Variants in PIK3R5 observed in about 807,000 individuals in gnomAD.
PIK3R5 encodes phosphoinositide-3-kinase regulatory subunit 5.
PIK3R5 carries 32 observed loss-of-function variants against 94.9 expected under a neutral mutation model. The ratio of observed to expected loss-of-function variants is 0.34; its 90% CI spans 0.25 to 0.45. PIK3R5 has a LOEUF of 0.45. Ranked by LOEUF, PIK3R5 falls within the 20% of genes least tolerant of loss-of-function variation. The pLI is 1.00. For missense variants in PIK3R5, 853 were observed against 1,144.6 expected, an observed-to-expected ratio of 0.75 and a Z score of 3.68; for synonymous variants, 443 against 479.4, an observed-to-expected ratio of 0.92 and a Z score of 0.99.
rs145335266 is a variant in PIK3R5, at chr17:8,912,929, G to GGCAC, written c.-13-1426_-13-1423dup. Among the ~76,000 whole-genome samples the GGCAC allele has an allele frequency of 9.6e-3, 1,460 of 152,294 alleles. 22 individuals carry two copies. Among genetic ancestry groups the GGCAC allele is most frequent in the African/African-American group, 0.033 (1,363 of 41,530 alleles). The stretch of plus-strand genomic sequence containing the variant: ...TCCAAAGCCGGACAGTGCAGCAGTG[G>GGCAC]GCACGCAGGAAGCGGCACACGCACC... On this transcript the variant is annotated intron_variant, in intron 1 of 18. Transcript: ENST00000447110.
chr17:8,923,822 G>T (rs998009038), intron 1 of PIK3R5, among the ~76,000 whole-genome samples: 2 of 151,572 alleles, frequency 1.3e-5, no homozygotes, highest in Non-Finnish European at 2.9e-5. Flanking sequence ...CAGCTTTCTG[G>T]TTTTTCTGGA....
intron 3 of PIK3R5, 51 bp from the exon 4 acceptor site, chr17:8,905,788 T>TC: frequency 7.8e-7 from 1 of 1,274,654 alleles, no homozygotes; most frequent in Non-Finnish European, 1.1e-6. Context: ...GGTCCAGGGC[T>TC]CCCTGAGGCA....
At chr17:8,948,759 T>C (rs1420554656) in intron 1 of PIK3R5, among the ~76,000 whole-genome samples, 4 of 152,170 alleles carry the variant, frequency 2.6e-5, no homozygotes, top group Non-Finnish European at 5.9e-5. Flanking sequence ...AGATGCTCTA[T>C]CAGACCCTAA....
intron 14 of PIK3R5, among the ~76,000 whole-genome samples, chr17:8,885,501 C>T (rs1158566110): frequency 2.2e-5 from 3 of 134,366 alleles, no homozygotes; most frequent in African/African-American, 5.8e-5. Flanking sequence ...CCCAGGGCCC[C>T]GCCTCCTGGG....
Position 8,886,523 on chromosome 17 carries a change from C to T in PIK3R5, c.1988G>A (p.Cys663Tyr). 6.2e-7 allele frequency: 1 copy of T among 1,612,150 alleles called. No individual in the cohort carries two copies. The highest frequency in any genetic ancestry group is 8.5e-7 in the Non-Finnish European group (1 of 1,179,066). The change falls in exon 13 of 19, where the codon TGC (cysteine) becomes TAC (tyrosine). Residue 663 changes from cysteine (C) to tyrosine (Y), a missense_variant. Cys to Tyr is a radical substitution (Grantham distance 194). Around this residue, in one of 6 missense-constraint regions of PIK3R5, gnomAD observed 173 missense variants for 274.1 expected, o/e 0.63. Coordinates refer to ENST00000447110, the MANE Select transcript of PIK3R5 (RefSeq NM_001142633.3). ...PILADMLLYY[C>Y]RFAARPVLLQ... ...CAGCACCGGTCTGGCGGCAAAGCGGCAGTAGTAGAGTAGCATGTCAGCCAG... is the reference window on the plus strand; with the variant it reads ...CAGCACCGGTCTGGCGGCAAAGCGGTAGTAGTAGAGTAGCATGTCAGCCAG...
chr17:8,913,645 G>A (rs1463101423), intron 1 of PIK3R5, among the ~76,000 whole-genome samples: 1 of 152,214 alleles, frequency 6.6e-6, no homozygotes, highest in Non-Finnish European at 1.5e-5. Flanking sequence ...CCGGGAGGCG[G>A]AGGTTGCAGT....
At chr17:8,920,674 A>G (rs964508895) in intron 1 of PIK3R5, among the ~76,000 whole-genome samples, 2 of 152,224 alleles carry the variant, frequency 1.3e-5, no homozygotes, top group African/African-American at 2.4e-5. Flanking sequence ...TTTTCTGACA[A>G]TATCATTCAC....
chr17:8,932,943 T>C lies in PIK3R5; in HGVS notation c.-13-21436A>G, dbSNP rs573254835. Among the ~76,000 whole-genome samples, 22 of 152,222 alleles carry C rather than the reference T, an allele frequency of 1.4e-4. 1 individual carries two copies. The South Asian group carries it at 4.3e-3, about 30-fold the overall frequency. On this transcript the variant is annotated intron_variant, in intron 1 of 18. Transcript: ENST00000447110. ...AAGAAAACCAGACCTAGGTATATCA[T>C]AGTTAATTGCTGAAAATCAAAGATA...
chr17:8,964,721 G>C (rs546480796), intron 1 of PIK3R5, among the ~76,000 whole-genome samples: 21 of 152,338 alleles, frequency 1.4e-4, no homozygotes, highest in African/African-American at 4.8e-4. Context: ...CCTGAGGGCA[G>C]GAAGGAAAGT....
chr17:8,931,036 G>A (rs1295701679), intron 1 of PIK3R5, among the ~76,000 whole-genome samples: 1 of 152,110 alleles, frequency 6.6e-6, no homozygotes, highest in Non-Finnish European at 1.5e-5. Context: ...ACTGAGAAAA[G>A]GGTACAAAGG....
chr17:8,930,589 T>A (rs539551249), intron 1 of PIK3R5, among the ~76,000 whole-genome samples: 2 of 152,216 alleles, frequency 1.3e-5, no homozygotes, highest in African/African-American at 2.4e-5. Flanking sequence ...AACAGCTTTG[T>A]TCAAAATGGC....
chr17:8,913,572 C>T (rs533410202), intron 1 of PIK3R5, among the ~76,000 whole-genome samples: 3 of 152,112 alleles, frequency 2.0e-5, no homozygotes, highest in Non-Finnish European at 2.9e-5. Flanking sequence ...ATTAGCCAGG[C>T]GTGGTGGCAG....
chr17:8,936,838 T>TA (rs2091086378), intron 1 of PIK3R5, among the ~76,000 whole-genome samples: 2 of 152,342 alleles, frequency 1.3e-5, no homozygotes, highest in Non-Finnish European at 2.9e-5. Context: ...AGTCTAGAGA[T>TA]AAAACTAAAA....
At chr17:8,901,330 T>A (rs1213782112) in intron 5 of PIK3R5, among the ~76,000 whole-genome samples, 1 of 152,198 alleles carries the variant, frequency 6.6e-6, no homozygotes, top group Admixed American at 6.6e-5. Context: ...GAGGACCTTG[T>A]TATAGGTAGA....
At chr17:8,899,067 G>A (rs1241191195) in intron 5 of PIK3R5, among the ~76,000 whole-genome samples, 4 of 152,210 alleles carry the variant, frequency 2.6e-5, no homozygotes, top group Non-Finnish European at 5.9e-5. Context: ...TATTGTGGTC[G>A]GCACAGCTAT....
rs375827551 is a variant in PIK3R5 at position 8,890,952 on chromosome 17, G to A, written c.483-40C>T. On this transcript the variant is annotated intron_variant, in intron 6 of 18. Transcript: ENST00000447110. The surrounding 1 kb of genome is among the most constrained non-coding windows in gnomAD (Gnocchi z 6.1). ...GACCGGCTATGGCACCCAGGGGTGC[G>A]CAGCATGCCACAGTGCAGCCACCCC... The A allele has an allele frequency of 2.5e-5, 40 of 1,589,890 alleles. No individual in the cohort carries two copies. Among genetic ancestry groups the A allele is most frequent in the African/African-American group, 1.6e-4 (12 of 74,678 alleles).
At chr17:8,946,283 C>T (rs929325990) in intron 1 of PIK3R5, among the ~76,000 whole-genome samples, 2 of 151,648 alleles carry the variant, frequency 1.3e-5, no homozygotes, top group Non-Finnish European at 2.9e-5. Context: ...GCCCAGAAGC[C>T]ACTAGACCAC....
At chr17:8,891,896 G>A (rs751969441) in intron 6 of PIK3R5, among the ~76,000 whole-genome samples, 53 of 152,068 alleles carry the variant, frequency 3.5e-4, no homozygotes, top group Middle Eastern at 3.4e-3. Flanking sequence ...GAGCCACCGC[G>A]CCCGGCTACT....
In PIK3R5 at chr17:8,890,081, C is replaced by T. The variant is rs2089985934; in HGVS notation, c.703G>A (p.Glu235Lys). ...ELEDIFTETAEAQELASGIGD... is the reference protein window; with the variant it reads ...ELEDIFTETAKAQELASGIGD... Reference sequence around the variant, plus strand: ...ATGCCAGATGCCAGCTCCTGTGCCTCTGCGGTCTCCGTGAAGATGTCCTCA... The same window carrying T: ...ATGCCAGATGCCAGCTCCTGTGCCTTTGCGGTCTCCGTGAAGATGTCCTCA... The change falls in exon 8 of 19, where the codon GAG becomes AAG. Residue 235 changes from glutamate to lysine, a missense_variant. By Grantham distance (56) the Glu-to-Lys change is moderately conservative. Transcript: ENST00000447110. This position sits in a 1 kb window ranked among gnomAD's most constrained non-coding sequence, Gnocchi z 6.1. 6.2e-7 allele frequency: 1 copy of T among 1,614,080 alleles called. No homozygotes were observed. Among genetic ancestry groups the T allele is most frequent in the Non-Finnish European group, 8.5e-7 (1 of 1,179,988 alleles).
Sources: gnomAD v4.1 joint callset for allele counts (sites outside exome capture counted in the v4.1 genomes callset) on GRCh38, gnomAD v4.1.1 for gene constraint, gnomAD v4.1.1 regional missense constraint, Gnocchi (gnomAD v3.1) non-coding constraint, MANE v1.5 for transcripts, NCBI Gene and HGNC (gene_info 2026-07-23, HGNC 2026-07-21) for gene names.